The following TWSG1 variants were observed in gnomAD, a reference collection of about 807,000 sequenced individuals.
TWSG1 encodes twisted gastrulation protein homolog 1.
A neutral mutation model predicts 23.0 loss-of-function variants in TWSG1; 15 were observed. The observed-to-expected ratio is 0.65, with a 90% CI of 0.44 to 1.00. The LOEUF is 1.00. Among genes scored for constraint, TWSG1 ranks in the 50% least tolerant of loss-of-function variants. The pLI is 0.00. For missense variants in TWSG1, 242 were observed against 278.7 expected, an observed-to-expected ratio of 0.87 and a Z score of 0.94; for synonymous variants, 86 against 92.8, an observed-to-expected ratio of 0.93 and a Z score of 0.42.
At chr18:9,386,998 AT>A (rs1218023422) in intron 3 of TWSG1, among the ~76,000 whole-genome samples, 1 of 152,230 alleles carries the variant, frequency 6.6e-6, no homozygotes, top group East Asian at 1.9e-4. Flanking sequence ...TTAGTAGAGG[AT>A]CAATCAAACA....
intron 3 of TWSG1, chr18:9,388,508 G>C (rs2040695998): frequency 1.3e-5 from 2 of 152,198 alleles, no homozygotes; most frequent in Admixed American, 6.5e-5. Flanking sequence ...TGGTTATCAA[G>C]TTTGTCATAT....
chr18:9,340,880 A>G (rs181721967), intron 2 of TWSG1, among the ~76,000 whole-genome samples: 14 of 152,380 alleles, frequency 9.2e-5, no homozygotes, highest in Admixed American at 5.2e-4. Context: ...TTTCAATTTC[A>G]TTAGCTGCAT....
At chr18:9,370,844 TATG>T in intron 3 of TWSG1, among the ~76,000 whole-genome samples, 1 of 152,298 alleles carries the variant, frequency 6.6e-6, no homozygotes, top group East Asian at 1.9e-4. Context: ...TTGTATAAAA[TATG>T]AGCCATAGCA....
intron 3 of TWSG1, among the ~76,000 whole-genome samples, chr18:9,380,184 C>G (rs2040649934): frequency 6.6e-6 from 1 of 152,138 alleles, no homozygotes; most frequent in South Asian, 2.1e-4. Flanking sequence ...TTTATAGCAT[C>G]TTGTATGTGG....
intron 3 of TWSG1, among the ~76,000 whole-genome samples, chr18:9,393,757 C>T (rs1447982250): frequency 6.6e-6 from 1 of 152,106 alleles, no homozygotes; most frequent in East Asian, 1.9e-4. Flanking sequence ...GACAGAGTCT[C>T]ACTATATTGT....
chr18:9,338,284 G>A (rs1233028059), intron 2 of TWSG1, among the ~76,000 whole-genome samples: 1 of 152,130 alleles, frequency 6.6e-6, no homozygotes, highest in Non-Finnish European at 1.5e-5. Context: ...CCCCCATTTC[G>A]TACTCTGATA....
chr18:9,395,413 C>A lies in TWSG1; in HGVS notation c.224-867C>A, dbSNP rs192171353. ...TCAGACTTAATATCCATTGACCATT[C>A]CCATCCGAATCAAACCCCTGTGATA... On this transcript the variant is annotated intron_variant, in intron 3 of 4. Transcript: ENST00000262120. Among the ~76,000 whole-genome samples the A allele has an allele frequency of 5.3e-5, 8 of 152,312 alleles. No individual in the cohort carries two copies. The East Asian group carries it at 1.5e-3, about 29-fold the overall frequency.
At chr18:9,364,527 T>C (rs570622605) in intron 3 of TWSG1, among the ~76,000 whole-genome samples, 20 of 151,942 alleles carry the variant, frequency 1.3e-4, no homozygotes, top group Non-Finnish European at 2.5e-4. Context: ...GTGTGGTGGC[T>C]CACGCGTATA....
At chr18:9,377,714 C>T (rs2040637487) in intron 3 of TWSG1, among the ~76,000 whole-genome samples, 1 of 151,946 alleles carries the variant, frequency 6.6e-6, no homozygotes, top group Non-Finnish European at 1.5e-5. Flanking sequence ...TTGGCAGAGA[C>T]TTTAATTTTT....
At chr18:9,382,472 G>A (rs549086137) in intron 3 of TWSG1, among the ~76,000 whole-genome samples, 32 of 152,044 alleles carry the variant, frequency 2.1e-4, no homozygotes, top group African/African-American at 6.7e-4. Flanking sequence ...GCAGTGAACC[G>A]ATATCGGGCC....
At chr18:9,349,761 A>G (rs376753046) in intron 2 of TWSG1, among the ~76,000 whole-genome samples, 2 of 152,332 alleles carry the variant, frequency 1.3e-5, no homozygotes, top group South Asian at 2.1e-4. Context: ...TTGGTTTACA[A>G]TGTAAAATGT....
At chr18:9,359,745 A>G (rs1419979633) in intron 2 of TWSG1, among the ~76,000 whole-genome samples, 1 of 152,194 alleles carries the variant, frequency 6.6e-6, no homozygotes, top group Non-Finnish European at 1.5e-5. Flanking sequence ...CCTTATTTCA[A>G]AATAAGGTAA....
chr18:9,348,489 G>T (rs1379311335), intron 2 of TWSG1, among the ~76,000 whole-genome samples: 2 of 152,170 alleles, frequency 1.3e-5, no homozygotes, highest in Non-Finnish European at 2.9e-5. Context: ...ACAGTTTTCT[G>T]GGGAAAAGGT....
intron 2 of TWSG1, among the ~76,000 whole-genome samples, chr18:9,342,664 CTT>C (rs2040451054): frequency 6.6e-6 from 1 of 152,182 alleles, no homozygotes; most frequent in Non-Finnish European, 1.5e-5. Flanking sequence ...TGTTTCCAGA[CTT>C]AACTGATTGC....
chr18:9,384,395 G>A (rs563542738), intron 3 of TWSG1, among the ~76,000 whole-genome samples: 1 of 152,266 alleles, frequency 6.6e-6, no homozygotes, highest in African/African-American at 2.4e-5. Flanking sequence ...ATGGATCAAT[G>A]GATGAGTAGA....
chr18:9,344,295 A>C (rs1278345656), intron 2 of TWSG1, among the ~76,000 whole-genome samples: 3 of 152,162 alleles, frequency 2.0e-5, no homozygotes, highest in Non-Finnish European at 4.4e-5. Context: ...ATTTTGAGGA[A>C]CTGCTGAAGT....
chr18:9,385,787 A>G lies in TWSG1; in HGVS notation c.224-10493A>G, dbSNP rs529346993. On this transcript the variant is annotated intron_variant, in intron 3 of 4. Coordinates refer to ENST00000262120, the MANE Select transcript of TWSG1 (RefSeq NM_020648.6). ...AGGACATAAAAGAAATCTTTTAAAA[A>G]CTGATTGTTATCTTTTAGAAAAAGT... 1.5e-4 allele frequency among the ~76,000 whole-genome samples: 23 copies of G among 152,304 alleles called. No individual in the cohort carries two copies. In the South Asian group the frequency reaches 4.8e-3, roughly 32 times the overall value.
intron 2 of TWSG1, among the ~76,000 whole-genome samples, chr18:9,347,721 C>G (rs2040483858): frequency 6.6e-6 from 1 of 151,998 alleles, no homozygotes; most frequent in Non-Finnish European, 1.5e-5. Context: ...CTGACCTTAC[C>G]TTTGGACTCT....
intron 3 of TWSG1, among the ~76,000 whole-genome samples, chr18:9,373,492 C>T (rs573563125): frequency 5.3e-5 from 8 of 152,184 alleles, no homozygotes; most frequent in Non-Finnish European, 8.8e-5. Context: ...TGAGATTGTG[C>T]AGCTGCACTG....
Sources: allele counts gnomAD v4.1 joint callset (sites outside exome capture counted in the v4.1 genomes callset), GRCh38; gene constraint gnomAD v4.1.1; transcripts MANE v1.5; gene names NCBI Gene and HGNC (gene_info 2026-07-23, HGNC 2026-07-21).